GSG1L: variants seen among roughly 807,000 people sequenced by gnomAD.
The protein encoded by GSG1L is GSG1 like.
In GSG1L, 24 loss-of-function variants were observed where a neutral mutation model predicts 42.1. The observed-to-expected ratio is 0.57, with a 90% CI of 0.41 to 0.80. The LOEUF is 0.80. Ranked by LOEUF, GSG1L falls within the 30% of genes least tolerant of loss-of-function variation. The probability of loss-of-function intolerance (pLI) is 0.00; values close to 1 mark genes in which losing one functional copy is unlikely to be tolerated. For synonymous variants in GSG1L, 215 were observed against 203.5 expected (o/e 1.06, Z -0.48); for missense variants, 445 against 472.2 (o/e 0.94, Z 0.53).
In GSG1L at chr16:27,915,196, TACACACACACACACACAC is replaced by T. The variant is rs66820312; in HGVS notation, c.398-30576_398-30559del. On this transcript the variant is annotated intron_variant, in intron 2 of 6. Coordinates refer to ENST00000447459, the MANE Select transcript of GSG1L (RefSeq NM_001109763.2). ...GAGGTGTCTCTTCCCCCAGAGGATG[TACACACACACACACACAC>T]ACACACACACACACACACACACACA... Among the ~76,000 whole-genome samples, 30 of 121,858 alleles carry T rather than the reference TACACACACACACACACAC, an allele frequency of 2.5e-4. No individual in the cohort carries two copies. The East Asian group carries it at 3.4e-3, about 14-fold the overall frequency. 79.9% of individuals were successfully genotyped at this position (121,858 alleles called of 152,430 possible). A position where few individuals can be genotyped will look rare whatever the true frequency, so the allele number is the denominator to read the frequency against.
chr16:27,935,099 T>C (rs1035503), intron 2 of GSG1L, among the ~76,000 whole-genome samples: 8,127 of 152,224 alleles, frequency 0.053, 378 homozygotes, highest in Admixed American at 0.15. Flanking sequence ...GACAGCACGG[T>C]CCAGGGAGGT....
intron 1 of GSG1L, among the ~76,000 whole-genome samples, chr16:28,061,476 C>T (rs1344093645): frequency 6.6e-6 from 1 of 152,138 alleles, no homozygotes; most frequent in Admixed American, 6.5e-5. Context: ...GGTCAGCCAC[C>T]CCCAGAAGAG....
At chr16:27,868,431 C>T (rs1301941572) in intron 3 of GSG1L, among the ~76,000 whole-genome samples, 3 of 152,178 alleles carry the variant, frequency 2.0e-5, no homozygotes, top group Non-Finnish European at 4.4e-5. Flanking sequence ...GGGATATGGC[C>T]GTAAATACGG....
intron 2 of GSG1L, among the ~76,000 whole-genome samples, chr16:27,899,413 A>G (rs1336054990): frequency 6.6e-6 from 1 of 152,012 alleles, no homozygotes; most frequent in Admixed American, 6.6e-5. Context: ...GAATTACATG[A>G]AACAGGTAAA....
chr16:27,793,850 C>T (rs1300407304), intron 6 of GSG1L, among the ~76,000 whole-genome samples: 3 of 152,198 alleles, frequency 2.0e-5, no homozygotes, highest in Non-Finnish European at 4.4e-5. Context: ...GGGACCCCCA[C>T]CCACTTCTCT....
intron 2 of GSG1L, among the ~76,000 whole-genome samples, chr16:27,956,119 A>T (rs1043296809): frequency 3.3e-5 from 5 of 152,306 alleles, no homozygotes; most frequent in Admixed American, 1.3e-4. Context: ...ATAGTTGGTT[A>T]ATCTAGAAAA....
intron 1 of GSG1L, among the ~76,000 whole-genome samples, chr16:27,972,412 A>G (rs538372379): frequency 2.6e-5 from 4 of 152,386 alleles, no homozygotes; most frequent in African/African-American, 7.2e-5. Flanking sequence ...GATAAAGATT[A>G]TCTAAGGATT....
At chr16:27,865,146 C>A (rs1390200067) in intron 3 of GSG1L, among the ~76,000 whole-genome samples, 2 of 152,176 alleles carry the variant, frequency 1.3e-5, no homozygotes, top group Non-Finnish European at 2.9e-5. Flanking sequence ...ACTCTGGGCT[C>A]CTGACCATAC....
At chr16:27,947,495 AAGAG>A (rs1196845147) in intron 2 of GSG1L, among the ~76,000 whole-genome samples, 89 of 151,366 alleles carry the variant, frequency 5.9e-4, no homozygotes, top group African/African-American at 2.0e-3. Flanking sequence ...GAAAGAAAGA[AAGAG>A]AAAGAAAGAA....
At chr16:27,900,549 C>G (rs2084244443) in intron 2 of GSG1L, among the ~76,000 whole-genome samples, 1 of 152,130 alleles carries the variant, frequency 6.6e-6, no homozygotes, top group African/African-American at 2.4e-5. Flanking sequence ...TAGGGGCTAC[C>G]AGGCTCCATC....
intron 1 of GSG1L, among the ~76,000 whole-genome samples, chr16:28,031,576 C>T (rs940230741): frequency 2.6e-5 from 4 of 152,154 alleles, no homozygotes; most frequent in Admixed American, 6.5e-5. Flanking sequence ...TGTCCAAGAG[C>T]TTGAGGCTCC....
At chr16:27,876,670 G>A (rs11074885) in intron 3 of GSG1L, among the ~76,000 whole-genome samples, 50,023 of 151,956 alleles carry the variant, frequency 0.33, 8,444 homozygotes, top group African/African-American at 0.4. Flanking sequence ...GCAATGGAGT[G>A]AAGTTGGTAT....
At chr16:27,872,416 C>T (rs2083832562) in intron 3 of GSG1L, among the ~76,000 whole-genome samples, 1 of 152,200 alleles carries the variant, frequency 6.6e-6, no homozygotes. Flanking sequence ...AAGCCTGTGC[C>T]TCAGTATTCT....
intron 5 of GSG1L, among the ~76,000 whole-genome samples, chr16:27,825,357 T>C (rs2140962353): frequency 6.6e-6 from 1 of 152,134 alleles, no homozygotes; most frequent in African/African-American, 2.4e-5. Context: ...TCCTGGCAGG[T>C]TGTATCAGGT....
At chr16:27,997,917 C>T (rs7191652) in intron 1 of GSG1L, among the ~76,000 whole-genome samples, 107,549 of 145,360 alleles carry the variant, frequency 0.74, 39,806 homozygotes, top group South Asian at 0.84. Context: ...TGGAGTGCAG[C>T]GGCACGATCT....
At chr16:27,856,631 A>G (rs1482236073) in intron 3 of GSG1L, among the ~76,000 whole-genome samples, 4 of 152,186 alleles carry the variant, frequency 2.6e-5, no homozygotes, top group Non-Finnish European at 4.4e-5. Context: ...CATTTTTACA[A>G]TGGTAATTTC....
intron 2 of GSG1L, among the ~76,000 whole-genome samples, chr16:27,910,172 A>G (rs1199700824): frequency 1.4e-5 from 2 of 147,882 alleles, no homozygotes; most frequent in East Asian, 2.0e-4. Flanking sequence ...CATGTTGGCC[A>G]GGCTGTGCTC....
At chr16:27,880,662 CT>C (rs1235545402) in intron 3 of GSG1L, among the ~76,000 whole-genome samples, 3 of 152,142 alleles carry the variant, frequency 2.0e-5, no homozygotes, top group Non-Finnish European at 4.4e-5. Flanking sequence ...AGGGTAGAAA[CT>C]TTCAGAACCC....
rs868284050 is a variant in GSG1L at position 27,979,737 on chromosome 16, G to A, written c.350-16534C>T. Among the ~76,000 whole-genome samples, 68 of 35,580 alleles carry A rather than the reference G, an allele frequency of 1.9e-3. 1 individual carries two copies. Among genetic ancestry groups the A allele is most frequent in the East Asian group, 0.014 (19 of 1,386 alleles). The allele number at this position is 35,580 out of a possible 152,430, so 23.3% of individuals were successfully genotyped here. On this transcript the variant is annotated intron_variant, in intron 1 of 6. Transcript: ENST00000447459. ...AAGGAAGGAAGGAAGGAAAGAAAAAGAAAGAAAGAAAGGAAAGAAAGAAAG... is the reference window on the plus strand; with the variant it reads ...AAGGAAGGAAGGAAGGAAAGAAAAAAAAAGAAAGAAAGGAAAGAAAGAAAG...
Sources: gnomAD v4.1 joint callset for allele counts (sites outside exome capture counted in the v4.1 genomes callset) on GRCh38, gnomAD v4.1.1 for gene constraint, MANE v1.5 for transcripts, NCBI Gene and HGNC (gene_info 2026-07-23, HGNC 2026-07-21) for gene names.